The following PCDH9 variants were observed in gnomAD, a reference collection of about 807,000 sequenced individuals.
The protein encoded by PCDH9 is protocadherin-9.
PCDH9 carries 24 observed loss-of-function variants against 70.6 expected under a neutral mutation model. That is an observed-to-expected ratio of 0.34 (90% CI 0.25 to 0.48). PCDH9 has a LOEUF of 0.48. Ranked by LOEUF, PCDH9 falls within the 20% of genes least tolerant of loss-of-function variation. The pLI is 0.99. For missense variants in PCDH9, 1,281 were observed against 1,503.6 expected, an observed-to-expected ratio of 0.85 and a Z score of 2.45; for synonymous variants, 562 against 558.5, an observed-to-expected ratio of 1.01 and a Z score of -0.09.
At chr13:66,406,259 A>G (rs986232327) in intron 4 of PCDH9, among the ~76,000 whole-genome samples, 4 of 152,180 alleles carry the variant, frequency 2.6e-5, no homozygotes, top group Non-Finnish European at 5.9e-5. Context: ...AGCAGCTGTG[A>G]GACTTGGGCA....
intron 2 of PCDH9, among the ~76,000 whole-genome samples, chr13:66,974,126 G>T (rs909709212): frequency 6.6e-6 from 1 of 151,884 alleles, no homozygotes; most frequent in Non-Finnish European, 1.5e-5. Context: ...TTCGTGATGG[G>T]GGTGAGTCTG....
intron 2 of PCDH9, among the ~76,000 whole-genome samples, chr13:66,941,107 T>C (rs1433623961): frequency 6.6e-6 from 1 of 151,900 alleles, no homozygotes; most frequent in Non-Finnish European, 1.5e-5. Flanking sequence ...CTCCTGGTTA[T>C]AAAATTAGAA....
intron 4 of PCDH9, among the ~76,000 whole-genome samples, chr13:66,454,230 T>C (rs1196276186): frequency 6.6e-6 from 1 of 152,162 alleles, no homozygotes; most frequent in Non-Finnish European, 1.5e-5. Flanking sequence ...AGACATTATT[T>C]TACAGCTACA....
At chr13:66,441,237 C>T (rs1246433921) in intron 4 of PCDH9, among the ~76,000 whole-genome samples, 1 of 152,182 alleles carries the variant, frequency 6.6e-6, no homozygotes, top group Non-Finnish European at 1.5e-5. Context: ...AACACTTTCT[C>T]TCCAGGCATG....
chr13:66,386,865 A>G (rs1956938051), intron 4 of PCDH9, among the ~76,000 whole-genome samples: 1 of 152,160 alleles, frequency 6.6e-6, no homozygotes, highest in Non-Finnish European at 1.5e-5. Flanking sequence ...TTGCTATATG[A>G]TGTCATAGTT....
At chr13:66,557,796 CA>C (rs1459842699) in intron 4 of PCDH9, among the ~76,000 whole-genome samples, 1 of 152,096 alleles carries the variant, frequency 6.6e-6, no homozygotes, top group Non-Finnish European at 1.5e-5. Context: ...GAGTACTTAT[CA>C]AGACTGGGAT....
intron 3 of PCDH9, among the ~76,000 whole-genome samples, chr13:66,884,104 G>T (rs969406093): frequency 6.6e-6 from 1 of 151,676 alleles, no homozygotes; most frequent in Non-Finnish European, 1.5e-5. Flanking sequence ...CACTGTGTTG[G>T]CCAGGCTGGT....
At chr13:67,116,525 A>T (rs1222841758) in intron 2 of PCDH9, among the ~76,000 whole-genome samples, 1 of 152,160 alleles carries the variant, frequency 6.6e-6, no homozygotes, top group Non-Finnish European at 1.5e-5. Context: ...TTAGAACCTG[A>T]GTAAGATAAA....
At chr13:66,836,022 T>C (rs530016248) in intron 3 of PCDH9, among the ~76,000 whole-genome samples, 17 of 152,248 alleles carry the variant, frequency 1.1e-4, no homozygotes, top group South Asian at 1.0e-3. Context: ...GTTTGAACAT[T>C]AAAGTAATAT....
intron 2 of PCDH9, among the ~76,000 whole-genome samples, chr13:66,956,581 T>C (rs1352115718): frequency 6.6e-6 from 1 of 151,940 alleles, no homozygotes; most frequent in African/African-American, 2.4e-5. Context: ...TGAAAACCCC[T>C]CTCTACCAAA....
intron 4 of PCDH9, among the ~76,000 whole-genome samples, chr13:66,525,903 C>T (rs1488370178): frequency 6.6e-6 from 1 of 152,086 alleles, no homozygotes; most frequent in Non-Finnish European, 1.5e-5. Context: ...ACAATTTAAT[C>T]CTTACGTTAT....
At chr13:67,209,329 G>C (rs1312947657) in intron 2 of PCDH9, 2 of 152,080 alleles carry the variant, frequency 1.3e-5, no homozygotes, top group South Asian at 2.1e-4. Context: ...GAAGTGTTTA[G>C]AACATTTTAA....
intron 4 of PCDH9, among the ~76,000 whole-genome samples, chr13:66,320,158 C>T: frequency 6.6e-6 from 1 of 151,962 alleles, no homozygotes; most frequent in East Asian, 1.9e-4. Context: ...CACTGGGGCA[C>T]CTTGCAGCAT....
At chr13:66,894,392 T>C (rs972047915) in intron 3 of PCDH9, among the ~76,000 whole-genome samples, 5 of 152,210 alleles carry the variant, frequency 3.3e-5, no homozygotes, top group Non-Finnish European at 5.9e-5. Flanking sequence ...CTCAAAATTA[T>C]ATAAAATTGA....
At chr13:66,967,422 G>A (rs1435894454) in intron 2 of PCDH9, among the ~76,000 whole-genome samples, 1 of 151,958 alleles carries the variant, frequency 6.6e-6, no homozygotes, top group East Asian at 1.9e-4. Flanking sequence ...GTCACATTCA[G>A]AGTGCTCAGA....
intron 4 of PCDH9, among the ~76,000 whole-genome samples, chr13:66,531,095 T>TAA (rs201531717): frequency 6.1e-4 from 78 of 127,938 alleles, no homozygotes; most frequent in Non-Finnish European, 9.4e-4. Context: ...GTGTTGGAGG[T>TAA]AAAAAAAAAA....
At chr13:66,645,874 T>G (rs1325005665) in intron 3 of PCDH9, among the ~76,000 whole-genome samples, 1 of 152,234 alleles carries the variant, frequency 6.6e-6, no homozygotes, top group Non-Finnish European at 1.5e-5. Context: ...AAATTCAGGG[T>G]ACAATAGAAA....
At chr13:66,496,890 T>G (rs1296566127) in intron 4 of PCDH9, among the ~76,000 whole-genome samples, 4 of 152,222 alleles carry the variant, frequency 2.6e-5, no homozygotes, top group African/African-American at 9.6e-5. Flanking sequence ...ATGATATTCT[T>G]TGAAGTTTGA....
chr13:67,026,648 T>A (rs953171351), intron 2 of PCDH9, among the ~76,000 whole-genome samples: 3 of 152,044 alleles, frequency 2.0e-5, no homozygotes, highest in Non-Finnish European at 2.9e-5. Flanking sequence ...ATGACATGAT[T>A]GTATATCTAG....
Sources: allele counts gnomAD v4.1 joint callset (sites outside exome capture counted in the v4.1 genomes callset), GRCh38; gene constraint gnomAD v4.1.1; transcripts MANE v1.5; gene names NCBI Gene and HGNC (gene_info 2026-07-23, HGNC 2026-07-21).